TTBK2: variants seen among roughly 807,000 people sequenced by gnomAD.
TTBK2 encodes the protein tau-tubulin kinase 2.
TTBK2 carries 28 observed loss-of-function variants against 110.8 expected under a neutral mutation model. The observed-to-expected ratio is 0.25, with a 90% confidence interval of 0.19 to 0.35. The LOEUF is 0.35. TTBK2 is among the 10% of genes least tolerant of loss of function. The pLI is 1.00. For synonymous variants in TTBK2, 532 were observed against 527.3 expected (o/e 1.01, Z -0.12); for missense variants, 1,369 against 1,500.3 (o/e 0.91, Z 1.45).
intron 6 of TTBK2, 42 bp from the exon 7 acceptor site, chr15:42,817,139 C>G (rs761923346): frequency 6.4e-7 from 1 of 1,553,902 alleles, no homozygotes; most frequent in African/African-American, 1.4e-5. Context: ...GAGCTTCAAA[C>G]AGCAATACAT....
intron 3 of TTBK2, among the ~76,000 whole-genome samples, chr15:42,851,465 T>C (rs1425072107): frequency 6.6e-6 from 1 of 152,050 alleles, no homozygotes; most frequent in African/African-American, 2.4e-5. Context: ...AACTGTTTAG[T>C]ATGTTAGAAG....
chr15:42,754,761 C>T (rs2061921365), intron 13 of TTBK2, among the ~76,000 whole-genome samples: 1 of 145,038 alleles, frequency 6.9e-6, no homozygotes, highest in African/African-American at 2.5e-5. Context: ...GTAATCCCAG[C>T]ACTTTGGGAG....
chr15:42,875,905 CAA>C (rs57982301), intron 2 of TTBK2, among the ~76,000 whole-genome samples: 2 of 56,878 alleles, frequency 3.5e-5, no homozygotes, highest in African/African-American at 6.3e-5. Context: ...GACTCCGTCT[CAA>C]AAAAAAAAAA....
chr15:42,902,920 T>A (rs2030139805), intron 1 of TTBK2, among the ~76,000 whole-genome samples: 1 of 147,504 alleles, frequency 6.8e-6, no homozygotes, highest in South Asian at 2.1e-4. Context: ...AGAAGGTGGA[T>A]GTTACAGAGA....
intron 1 of TTBK2, among the ~76,000 whole-genome samples, chr15:42,897,513 A>G (rs1895713069): frequency 6.6e-6 from 1 of 152,138 alleles, no homozygotes; most frequent in South Asian, 2.1e-4. Context: ...ACAGGGTGGG[A>G]AAAAGATCTG....
chr15:42,756,012 A>G (rs975186254), intron 13 of TTBK2, among the ~76,000 whole-genome samples: 1 of 152,154 alleles, frequency 6.6e-6, no homozygotes, highest in Non-Finnish European at 1.5e-5. Context: ...ACTGGCCAAC[A>G]TGGTGAAACC....
At chr15:42,893,859 A>G (rs28627318) in intron 1 of TTBK2, among the ~76,000 whole-genome samples, 2,923 of 152,306 alleles carry the variant, frequency 0.019, 46 homozygotes, top group Middle Eastern at 0.034. Context: ...ATACACAGAA[A>G]GTGAACACAG....
chr15:42,828,085 C>T (rs1285858200), intron 5 of TTBK2, 53 bp from the exon 6 acceptor site: 2 of 1,346,840 alleles, frequency 1.5e-6, no homozygotes, highest in Admixed American at 3.6e-5. Flanking sequence ...TTAGTCCTTA[C>T]ATTTTATCAT....
intron 11 of TTBK2, among the ~76,000 whole-genome samples, chr15:42,778,295 A>AAC (rs1890020192): frequency 6.6e-6 from 1 of 151,566 alleles, no homozygotes; most frequent in African/African-American, 2.4e-5. Flanking sequence ...GTAAGCAAAA[A>AAC]AAAAAAAAAC....
Position 42,752,968 on chromosome 15 carries a change from G to C in TTBK2, c.2278C>G (p.Pro760Ala). ...KSQDLGPKEL[P>A]DHNRLVVREF... Reference sequence around the variant, plus strand: ...CTCACAACCAGTCTATTATGATCAGGAAGTTCTTTTGGTCCCAGGTCTTGA... The same window carrying C: ...CTCACAACCAGTCTATTATGATCAGCAAGTTCTTTTGGTCCCAGGTCTTGA... The change falls in exon 14 of 15, where the codon CCT becomes GCT. Residue 760 changes from proline to alanine, a missense_variant. This residue lies in a region of TTBK2 where 1,097 missense variants were observed against 1,114.7 expected (regional missense o/e 0.98). Transcript: ENST00000267890. The C allele has an allele frequency of 1.2e-6, 2 of 1,614,172 alleles. No individual in the cohort carries two copies. The highest frequency in any genetic ancestry group is 1.7e-6 in the Non-Finnish European group (2 of 1,180,026).
At chr15:42,878,782 C>T (rs1044430603) in intron 1 of TTBK2, 98 bp from the exon 2 acceptor site, 3 of 1,414,726 alleles carry the variant, frequency 2.1e-6, no homozygotes, top group Non-Finnish European at 2.8e-6. Context: ...ATACTATACA[C>T]TAATTAGGCT....
intron 9 of TTBK2, chr15:42,801,341 G>A (rs766389505): frequency 3.8e-6 from 6 of 1,572,254 alleles, no homozygotes; most frequent in East Asian, 2.2e-5. Flanking sequence ...GCTGCAGGGC[G>A]GCCTCCAGCT....
At chr15:42,890,288 G>A (rs1288911964) in intron 1 of TTBK2, among the ~76,000 whole-genome samples, 3 of 152,186 alleles carry the variant, frequency 2.0e-5, no homozygotes, top group Non-Finnish European at 2.9e-5. Flanking sequence ...CTGCACCCAG[G>A]TGAAATAAAC....
chr15:42,764,234 G>T (rs1186476221), intron 13 of TTBK2, among the ~76,000 whole-genome samples: 6 of 152,190 alleles, frequency 3.9e-5, no homozygotes, highest in African/African-American at 7.2e-5. Flanking sequence ...GAGGTACCTG[G>T]TTCATCTCAC....
intron 6 of TTBK2, among the ~76,000 whole-genome samples, chr15:42,819,718 C>T (rs1892207500): frequency 6.6e-6 from 1 of 152,110 alleles, no homozygotes; most frequent in Non-Finnish European, 1.5e-5. Context: ...ATTGATGGAA[C>T]TAAGGTTGGA....
At chr15:42,893,432 G>A (rs962482039) in intron 1 of TTBK2, among the ~76,000 whole-genome samples, 3 of 151,946 alleles carry the variant, frequency 2.0e-5, no homozygotes, top group Admixed American at 2.0e-4. Flanking sequence ...GAAGGTTGAG[G>A]CTCCAATGAG....
At chr15:42,885,680 T>C (rs1895214474) in intron 1 of TTBK2, among the ~76,000 whole-genome samples, 1 of 151,980 alleles carries the variant, frequency 6.6e-6, no homozygotes, top group African/African-American at 2.4e-5. Context: ...TCTTTTGGTG[T>C]CTCTACCCCT....
intron 11 of TTBK2, among the ~76,000 whole-genome samples, chr15:42,778,484 TA>T (rs1890032490): frequency 6.6e-6 from 1 of 151,918 alleles, no homozygotes; most frequent in Non-Finnish European, 1.5e-5. Context: ...GCCAACATAG[TA>T]AAACCCCATC....
At chr15:42,811,601 A>G (rs1326116870) in intron 8 of TTBK2, 87 bp downstream of exon 8, 24 of 1,012,558 alleles carry the variant, frequency 2.4e-5, no homozygotes, top group Non-Finnish European at 1.5e-6. Flanking sequence ...TAAGTCTTAT[A>G]CATAAGTATA....
Sources: allele counts gnomAD v4.1 joint callset (sites outside exome capture counted in the v4.1 genomes callset), GRCh38; gene constraint gnomAD v4.1.1; regional missense constraint gnomAD v4.1.1; transcripts MANE v1.5; gene names NCBI Gene and HGNC (gene_info 2026-07-23, HGNC 2026-07-21).